MEGF11: variants seen among roughly 807,000 people sequenced by gnomAD.
MEGF11 encodes the protein multiple epidermal growth factor-like domains protein 11.
In MEGF11, 126 loss-of-function variants were observed where a neutral mutation model predicts 146.6. The ratio of observed to expected loss-of-function variants is 0.86; its 90% CI spans 0.74 to 1.00. MEGF11 has a LOEUF of 1.00. MEGF11 is among the 50% of genes least tolerant of loss of function. The pLI, the probability that MEGF11 is intolerant of heterozygous loss-of-function variation, is 0.00. For missense variants in MEGF11, 1,509 were observed against 1,521.2 expected (o/e 0.99, Z 0.13); for synonymous variants, 532 against 583.4 (o/e 0.91, Z 1.27).
chr15:66,105,171 A>G (rs574418436), intron 4 of MEGF11, among the ~76,000 whole-genome samples: 28 of 152,288 alleles, frequency 1.8e-4, no homozygotes, highest in Admixed American at 1.7e-3. Context: ...GATTAGGAAA[A>G]ACAAGGGCGG....
chr15:66,204,188 G>A (rs1429439167), intron 1 of MEGF11, among the ~76,000 whole-genome samples: 1 of 152,140 alleles, frequency 6.6e-6, no homozygotes, highest in Non-Finnish European at 1.5e-5. Flanking sequence ...GATCGCTTGA[G>A]CCCAGGAGTT....
rs1409900782 is a variant in MEGF11, at chr15:66,119,097, T to C, written c.290A>G (p.Asp97Gly). 6.4e-7 allele frequency: 1 copy of C among 1,550,588 alleles called. No homozygotes were observed. The highest frequency in any genetic ancestry group is 8.7e-7 in the Non-Finnish European group (1 of 1,146,578). ...QCCPGYYESG[D>G]FCIPLCTEEC... Reference sequence around the variant, plus strand: ...CAGCCCCTACATACGTATGCAGAAGTCTCCGCTCTCATAGTAGCCAGGGCA... The same window carrying C: ...CAGCCCCTACATACGTATGCAGAAGCCTCCGCTCTCATAGTAGCCAGGGCA... The change falls in exon 4 of 26, where the codon GAC (aspartate) becomes GGC (glycine). Residue 97 changes from aspartate (D) to glycine (G), a missense_variant. Asp to Gly is a moderately conservative substitution (Grantham distance 94, BLOSUM62 -1). Coordinates refer to ENST00000395614, the MANE Select transcript of MEGF11 (RefSeq NM_001385028.1).
At chr15:66,211,105 A>G (rs2091433581) in intron 1 of MEGF11, among the ~76,000 whole-genome samples, 1 of 152,210 alleles carries the variant, frequency 6.6e-6, no homozygotes, top group Admixed American at 6.5e-5. Context: ...GCACCTCACC[A>G]GAAACCTCCA....
chr15:65,974,973 G>A (rs923238247), intron 7 of MEGF11, among the ~76,000 whole-genome samples: 2 of 152,168 alleles, frequency 1.3e-5, no homozygotes, highest in Non-Finnish European at 2.9e-5. Context: ...AGCCTCCTGA[G>A]TAGCTGGAAT....
intron 1 of MEGF11, among the ~76,000 whole-genome samples, chr15:66,199,571 C>T (rs114536379): frequency 0.015 from 2,262 of 152,228 alleles, 58 homozygotes; most frequent in African/African-American, 0.05. Flanking sequence ...AGACCAAAGC[C>T]CCAGATCTCT....
chr15:66,216,478 C>A (rs1056731190), intron 1 of MEGF11, among the ~76,000 whole-genome samples: 3 of 152,252 alleles, frequency 2.0e-5, no homozygotes, highest in Admixed American at 6.5e-5. Flanking sequence ...TGCCCAGTAC[C>A]CTGCACACAG....
At chr15:66,155,254 G>GCAC (rs1555477147) in intron 1 of MEGF11, among the ~76,000 whole-genome samples, 4 of 98,356 alleles carry the variant, frequency 4.1e-5, no homozygotes, top group African/African-American at 2.5e-4. Flanking sequence ...ACATGGTGAT[G>GCAC]CCCCCCACCC....
At chr15:66,234,207 T>A (rs1462715440) in intron 1 of MEGF11, among the ~76,000 whole-genome samples, 1 of 152,184 alleles carries the variant, frequency 6.6e-6, no homozygotes, top group African/African-American at 2.4e-5. Context: ...CCAGACATTG[T>A]CATTTCTGAA....
intron 8 of MEGF11, among the ~76,000 whole-genome samples, chr15:65,967,873 C>T (rs1478860776): frequency 3.3e-5 from 5 of 152,106 alleles, no homozygotes; most frequent in African/African-American, 7.2e-5. Context: ...CCCCGGGCAC[C>T]GTATACTGAG....
chr15:66,234,036 A>G (rs574881821), intron 1 of MEGF11, among the ~76,000 whole-genome samples: 6 of 149,424 alleles, frequency 4.0e-5, no homozygotes, highest in African/African-American at 1.2e-4. Flanking sequence ...CCCGGGTTCA[A>G]GCGATTCTCC....
chr15:65,986,033 C>A (rs2081845040), intron 5 of MEGF11, among the ~76,000 whole-genome samples: 1 of 151,352 alleles, frequency 6.6e-6, no homozygotes, highest in African/African-American at 2.4e-5. Context: ...CTCACTGCAA[C>A]CTCCACTTCC....
chr15:66,116,011 T>C (rs1447855826), intron 4 of MEGF11, among the ~76,000 whole-genome samples: 1 of 152,114 alleles, frequency 6.6e-6, no homozygotes, highest in Non-Finnish European at 1.5e-5. Flanking sequence ...CCCTAGACAA[T>C]TGACACACCC....
chr15:66,004,700 G>A (rs778317207), intron 5 of MEGF11, among the ~76,000 whole-genome samples: 18 of 152,028 alleles, frequency 1.2e-4, no homozygotes, highest in Non-Finnish European at 1.9e-4. Flanking sequence ...AGGTATTCAA[G>A]CAGAGGCCAG....
intron 7 of MEGF11, among the ~76,000 whole-genome samples, chr15:65,975,379 T>G (rs138693902): frequency 2.1e-3 from 323 of 152,314 alleles, no homozygotes; most frequent in African/African-American, 7.6e-3. Flanking sequence ...GTAGAATGCA[T>G]CCTTCCGGCA....
At chr15:66,099,636 A>G (rs2140741204) in intron 4 of MEGF11, among the ~76,000 whole-genome samples, 1 of 152,290 alleles carries the variant, frequency 6.6e-6, no homozygotes, top group African/African-American at 2.4e-5. Context: ...ATGGCTGTTG[A>G]CTTGGTTATT....
At chr15:66,020,065 C>T (rs2083053323) in intron 5 of MEGF11, among the ~76,000 whole-genome samples, 1 of 152,220 alleles carries the variant, frequency 6.6e-6, no homozygotes, top group Non-Finnish European at 1.5e-5. Flanking sequence ...AGCCACCGCC[C>T]CTCCCCAGCT....
In MEGF11 at chr15:65,955,787, T is replaced by C. The variant is rs867139729; in HGVS notation, c.1287+1760A>G. 4.3e-3 allele frequency among the ~76,000 whole-genome samples: 31 copies of C among 7,136 alleles called. 4 individuals are homozygous for C. The highest frequency in any genetic ancestry group is 5.8e-3 in the Non-Finnish European group (11 of 1,906). 4.7% of individuals were successfully genotyped at this position (7,136 alleles called of 152,430 possible). ...ATATATATATATATATATATATATA[T>C]ATATATACACACACACACACACACA... On this transcript the variant is annotated intron_variant, in intron 10 of 25. Transcript: ENST00000395614.
intron 5 of MEGF11, among the ~76,000 whole-genome samples, chr15:66,038,004 A>G (rs2083791789): frequency 1.3e-5 from 2 of 152,248 alleles, no homozygotes; most frequent in African/African-American, 4.8e-5. Context: ...AATTCTTTTT[A>G]TTATCAGCTA....
At chr15:66,010,207 T>TG (rs11399673) in intron 5 of MEGF11, among the ~76,000 whole-genome samples, 4 of 151,246 alleles carry the variant, frequency 2.6e-5, no homozygotes, top group African/African-American at 9.7e-5. Flanking sequence ...TTTCTTTTTT[T>TG]TTTTTGAGAC....
Sources: allele counts gnomAD v4.1 joint callset (sites outside exome capture counted in the v4.1 genomes callset), GRCh38; gene constraint gnomAD v4.1.1; transcripts MANE v1.5; gene names NCBI Gene and HGNC (gene_info 2026-07-23, HGNC 2026-07-21).